The following ST6GALNAC3 variants were observed in gnomAD, a reference collection of about 807,000 sequenced individuals.
ST6GALNAC3 encodes ST6 N-acetylgalactosaminide alpha-2,6-sialyltransferase 3.
A neutral mutation model predicts 32.7 loss-of-function variants in ST6GALNAC3; 25 were observed. The ratio of observed to expected loss-of-function variants is 0.76; its 90% CI spans 0.56 to 1.07. The LOEUF is 1.07. ST6GALNAC3 is among the 50% of genes least tolerant of loss of function. The pLI, the probability that ST6GALNAC3 is intolerant of heterozygous loss-of-function variation, is 0.00. For missense variants in ST6GALNAC3, 355 were observed against 382.4 expected (o/e 0.93, Z 0.60); for synonymous variants, 129 against 133.1 (o/e 0.97, Z 0.21).
chr1:76,603,046 C>G (rs1029872827), intron 3 of ST6GALNAC3, among the ~76,000 whole-genome samples: 2 of 152,196 alleles, frequency 1.3e-5, no homozygotes, highest in Non-Finnish European at 2.9e-5. Context: ...TCACTTTACA[C>G]TCACCAGATT....
chr1:76,254,115 A>G (rs1353900921), intron 1 of ST6GALNAC3, among the ~76,000 whole-genome samples: 1 of 152,158 alleles, frequency 6.6e-6, no homozygotes, highest in Non-Finnish European at 1.5e-5. Flanking sequence ...GGAATGAATT[A>G]TAAAAATGGT....
intron 3 of ST6GALNAC3, among the ~76,000 whole-genome samples, chr1:76,486,574 C>T (rs1415508888): frequency 6.6e-6 from 1 of 152,036 alleles, no homozygotes; most frequent in Non-Finnish European, 1.5e-5. Flanking sequence ...TTTCCCTTTG[C>T]TTGATAGATC....
chr1:76,476,062 G>T (rs1426794684), intron 3 of ST6GALNAC3, among the ~76,000 whole-genome samples: 1 of 152,170 alleles, frequency 6.6e-6, no homozygotes, highest in Non-Finnish European at 1.5e-5. Context: ...GTATTTCATG[G>T]TGTATATGTG....
intron 1 of ST6GALNAC3, among the ~76,000 whole-genome samples, chr1:76,168,854 A>G (rs1191610158): frequency 6.6e-6 from 1 of 151,912 alleles, no homozygotes; most frequent in Non-Finnish European, 1.5e-5. Context: ...GTCATTGCAT[A>G]AGAGATGGTC....
chr1:76,246,322 C>T (rs1056091557), intron 1 of ST6GALNAC3, among the ~76,000 whole-genome samples: 8 of 152,210 alleles, frequency 5.3e-5, no homozygotes, highest in African/African-American at 1.9e-4. Context: ...TAAGATTGGT[C>T]TTCTGGATAC....
At chr1:76,379,109 G>A (rs776580509) in intron 2 of ST6GALNAC3, among the ~76,000 whole-genome samples, 3 of 152,114 alleles carry the variant, frequency 2.0e-5, no homozygotes, top group Non-Finnish European at 2.9e-5. Flanking sequence ...TGTTAGCCAG[G>A]ATGGTCTCCA....
At chr1:76,261,001 C>T (rs1045461444) in intron 1 of ST6GALNAC3, among the ~76,000 whole-genome samples, 2 of 151,974 alleles carry the variant, frequency 1.3e-5, no homozygotes, top group African/African-American at 2.4e-5. Context: ...CACACACACA[C>T]ACACACACAC....
chr1:76,234,979 A>G (rs1482334193), intron 1 of ST6GALNAC3, among the ~76,000 whole-genome samples: 1 of 152,172 alleles, frequency 6.6e-6, no homozygotes, highest in East Asian at 1.9e-4. Context: ...GCAAAGAACC[A>G]AGGAGTGTGG....
intron 1 of ST6GALNAC3, among the ~76,000 whole-genome samples, chr1:76,227,912 T>G (rs1416890876): frequency 6.6e-6 from 1 of 152,192 alleles, no homozygotes; most frequent in Non-Finnish European, 1.5e-5. Flanking sequence ...GAGCTCCTTT[T>G]GTAAGGGATG....
At chr1:76,415,394 A>G (rs1654549355) in intron 3 of ST6GALNAC3, among the ~76,000 whole-genome samples, 1 of 151,860 alleles carries the variant, frequency 6.6e-6, no homozygotes, top group Non-Finnish European at 1.5e-5. Context: ...TCATTTGGTT[A>G]CCATGAGATA....
chr1:76,339,678 T>C (rs528896833), intron 2 of ST6GALNAC3, among the ~76,000 whole-genome samples: 2 of 152,292 alleles, frequency 1.3e-5, no homozygotes, highest in South Asian at 4.2e-4. Context: ...CAATCATTTA[T>C]TGAGTGCCTA....
At chr1:76,511,537 T>C (rs1481088945) in intron 3 of ST6GALNAC3, among the ~76,000 whole-genome samples, 1 of 152,184 alleles carries the variant, frequency 6.6e-6, no homozygotes, top group Non-Finnish European at 1.5e-5. Flanking sequence ...GCCTCTGTTC[T>C]CCCCGGTAGG....
At chr1:76,410,380 G>C (rs1405627739) in intron 2 of ST6GALNAC3, among the ~76,000 whole-genome samples, 1 of 151,892 alleles carries the variant, frequency 6.6e-6, no homozygotes, top group Non-Finnish European at 1.5e-5. Context: ...TTTCCTCAAA[G>C]ATTATTTTCT....
At chr1:76,350,519 C>T (rs986229322) in intron 2 of ST6GALNAC3, among the ~76,000 whole-genome samples, 2 of 152,102 alleles carry the variant, frequency 1.3e-5, no homozygotes, top group African/African-American at 4.8e-5. Flanking sequence ...ATTTTAAAAA[C>T]ATTAGTTTGA....
chr1:76,588,741 C>A (rs1647001402), intron 3 of ST6GALNAC3, among the ~76,000 whole-genome samples: 1 of 152,178 alleles, frequency 6.6e-6, no homozygotes, highest in African/African-American at 2.4e-5. Flanking sequence ...GCATTTCCAG[C>A]AGGAAGAAGC....
chr1:76,583,513 C>T (rs776346107), intron 3 of ST6GALNAC3, among the ~76,000 whole-genome samples: 1 of 150,706 alleles, frequency 6.6e-6, no homozygotes, highest in Non-Finnish European at 1.5e-5. Flanking sequence ...TGTAGGATTG[C>T]CCAACAGTTG....
chr1:76,281,004 T>G (rs1052576647), intron 1 of ST6GALNAC3, among the ~76,000 whole-genome samples: 6 of 152,228 alleles, frequency 3.9e-5, no homozygotes, highest in Non-Finnish European at 7.3e-5. Context: ...CTTTATAAAT[T>G]TAACTCTTCA....
chr1:76,334,317 T>C (rs932249203), intron 2 of ST6GALNAC3, among the ~76,000 whole-genome samples: 3 of 152,206 alleles, frequency 2.0e-5, no homozygotes, highest in Admixed American at 6.6e-5. Flanking sequence ...TCTCCATGAT[T>C]ATGTTAATTA....
intron 2 of ST6GALNAC3, among the ~76,000 whole-genome samples, chr1:76,367,963 A>C (rs968567726): frequency 2.6e-5 from 4 of 152,194 alleles, no homozygotes; most frequent in Non-Finnish European, 5.9e-5. Flanking sequence ...CAAAGTGCAC[A>C]GCAAAGCGAA....
Sources: allele counts gnomAD v4.1 joint callset (sites outside exome capture counted in the v4.1 genomes callset), GRCh38; gene constraint gnomAD v4.1.1; transcripts MANE v1.5; gene names NCBI Gene and HGNC (gene_info 2026-07-23, HGNC 2026-07-21).